SETBP1: variants seen among roughly 807,000 people sequenced by gnomAD.
The protein encoded by SETBP1 is SET-binding protein.
In SETBP1, 9 loss-of-function variants were observed where a neutral mutation model predicts 101.0. That is an observed-to-expected ratio of 0.09 (90% CI 0.05 to 0.16). SETBP1 has a LOEUF of 0.16. Ranked by LOEUF, SETBP1 falls within the 10% of genes least tolerant of loss-of-function variation. The pLI is 1.00. For synonymous variants in SETBP1, 818 were observed against 788.5 expected (o/e 1.04, Z -0.63); for missense variants, 1,858 against 2,033.8 (o/e 0.91, Z 1.66).
rs1018470585 is a variant in SETBP1, at chr18:44,706,591, C to CAAAAAAAAAAAAAA, written c.486+4781_486+4794dup. On this transcript the variant is annotated intron_variant, in intron 2 of 5. Coordinates refer to ENST00000649279, the MANE Select transcript of SETBP1 (RefSeq NM_015559.3). ...TGGGTGACAGAATGAGACTCAATCTCAAAAAAAAAAAAAAAAAAAAAAAAA... is the reference window on the plus strand; with the variant it reads ...TGGGTGACAGAATGAGACTCAATCTCAAAAAAAAAAAAAAAAAAAAAAAAAAAAAAAAAAAAAAA... Among the ~76,000 whole-genome samples the CAAAAAAAAAAAAAA allele has an allele frequency of 2.4e-4, 4 of 16,972 alleles. 1 individual carries two copies. The highest frequency in any genetic ancestry group is 2.9e-4 in the Non-Finnish European group (3 of 10,246). 11.1% of individuals were successfully genotyped at this position (16,972 alleles called of 152,430 possible).
chr18:45,032,303 T>C (rs977620870), intron 4 of SETBP1, among the ~76,000 whole-genome samples: 1 of 152,194 alleles, frequency 6.6e-6, no homozygotes, highest in African/African-American at 2.4e-5. Flanking sequence ...ATCAATTTTA[T>C]AGGTGTTTCT....
At chr18:44,764,762 G>A (rs895047806) in intron 2 of SETBP1, among the ~76,000 whole-genome samples, 4 of 152,108 alleles carry the variant, frequency 2.6e-5, no homozygotes, top group Middle Eastern at 3.2e-3. Flanking sequence ...GTGAGCCACC[G>A]CGCCCGGCCA....
intron 2 of SETBP1, among the ~76,000 whole-genome samples, chr18:44,705,822 T>C (rs748722678): frequency 6.6e-6 from 1 of 152,168 alleles, no homozygotes; most frequent in Non-Finnish European, 1.5e-5. Context: ...CTCTCCAAAC[T>C]GGAGAAGGAT....
chr18:44,899,148 A>G (rs764067400), intron 3 of SETBP1, among the ~76,000 whole-genome samples: 2 of 152,164 alleles, frequency 1.3e-5, no homozygotes, highest in African/African-American at 4.8e-5. Flanking sequence ...AATTCCTTCA[A>G]TGTCTTTCTA....
intron 2 of SETBP1, among the ~76,000 whole-genome samples, chr18:44,772,271 G>A (rs1423289914): frequency 6.6e-6 from 1 of 152,150 alleles, no homozygotes; most frequent in Non-Finnish European, 1.5e-5. Context: ...ATTATTGTCT[G>A]GCAGCAGTGC....
At chr18:45,045,846 T>C (rs780553121) in intron 5 of SETBP1, among the ~76,000 whole-genome samples, 4 of 152,140 alleles carry the variant, frequency 2.6e-5, no homozygotes, top group Non-Finnish European at 5.9e-5. Context: ...GTGCTGTTTT[T>C]GCTGCTGCTA....
intron 2 of SETBP1, among the ~76,000 whole-genome samples, chr18:44,738,371 A>G (rs1435256053): frequency 6.6e-6 from 1 of 152,224 alleles, no homozygotes; most frequent in East Asian, 1.9e-4. Flanking sequence ...CAAGAGCTCC[A>G]TAGCCCTGAA....
chr18:44,755,135 C>T (rs2070463779), intron 2 of SETBP1, among the ~76,000 whole-genome samples: 1 of 152,170 alleles, frequency 6.6e-6, no homozygotes, highest in Non-Finnish European at 1.5e-5. Context: ...TTGGACAAAA[C>T]AGCTTTTCAG....
chr18:45,026,264 G>C (rs2073162996), intron 4 of SETBP1, among the ~76,000 whole-genome samples: 1 of 152,170 alleles, frequency 6.6e-6, no homozygotes, highest in African/African-American at 2.4e-5. Context: ...GCATACACCA[G>C]GAGTAAAAGA....
intron 2 of SETBP1, among the ~76,000 whole-genome samples, chr18:44,773,054 C>A (rs940911324): frequency 4.6e-5 from 7 of 152,130 alleles, no homozygotes; most frequent in African/African-American, 1.7e-4. Flanking sequence ...ACGCTTTGTT[C>A]ATGTGGATCC....
chr18:44,877,303 G>T (rs974748176), intron 3 of SETBP1: 5 of 750,108 alleles, frequency 6.7e-6, no homozygotes, highest in Non-Finnish European at 8.1e-6. Context: ...CACACAAAAA[G>T]TATGGATTAA....
At chr18:44,828,297 C>T (rs978073882) in intron 2 of SETBP1, among the ~76,000 whole-genome samples, 1 of 152,084 alleles carries the variant, frequency 6.6e-6, no homozygotes, top group African/African-American at 2.4e-5. Context: ...TATCCATGGC[C>T]TTGTCACATG....
intron 3 of SETBP1, among the ~76,000 whole-genome samples, chr18:44,931,929 G>T (rs1016005075): frequency 7.2e-5 from 11 of 152,122 alleles, no homozygotes; most frequent in African/African-American, 2.7e-4. Flanking sequence ...GGAGAATTTA[G>T]CCCATTTACA....
rs553664874 is a variant in SETBP1, at chr18:44,729,036, T to C, written c.486+27204T>C. On this transcript the variant is annotated intron_variant, in intron 2 of 5. Transcript: ENST00000649279. The stretch of plus-strand genomic sequence containing the variant: ...ATAAAACCCTAGGCAGTAGCTACTA[T>C]TGTTATCTTTACCTTACAGATCAGG... Among the ~76,000 whole-genome samples the C allele has an allele frequency of 3.9e-5, 6 of 152,272 alleles. No individual in the cohort carries two copies. The East Asian group carries it at 1.2e-3, about 29-fold the overall frequency.
chr18:44,937,570 C>T (rs2070992223), intron 3 of SETBP1, among the ~76,000 whole-genome samples: 1 of 152,142 alleles, frequency 6.6e-6, no homozygotes, highest in Non-Finnish European at 1.5e-5. Flanking sequence ...TGAGATTCCA[C>T]CCCAGGCACA....
At chr18:44,923,317 A>G (rs1361278629) in intron 3 of SETBP1, among the ~76,000 whole-genome samples, 1 of 152,220 alleles carries the variant, frequency 6.6e-6, no homozygotes, top group African/African-American at 2.4e-5. Flanking sequence ...CTCCTGAGCA[A>G]CATGACTGAG....
At chr18:44,902,327 A>C (rs2144836819) in intron 3 of SETBP1, among the ~76,000 whole-genome samples, 1 of 152,138 alleles carries the variant, frequency 6.6e-6, no homozygotes, top group South Asian at 2.1e-4. Flanking sequence ...ACCTGTGTTA[A>C]ATATTTATTT....
chr18:44,974,003 G>T (rs777958358), intron 4 of SETBP1, among the ~76,000 whole-genome samples: 2 of 151,734 alleles, frequency 1.3e-5, no homozygotes, highest in Non-Finnish European at 2.9e-5. Flanking sequence ...ATTCATTGCT[G>T]GTCAATACCT....
chr18:44,971,914 C>T (rs1391639648), intron 4 of SETBP1, among the ~76,000 whole-genome samples: 1 of 152,126 alleles, frequency 6.6e-6, no homozygotes, highest in African/African-American at 2.4e-5. Flanking sequence ...GCTTTTGTTG[C>T]CATTGCTTTT....
Sources: allele counts gnomAD v4.1 joint callset (sites outside exome capture counted in the v4.1 genomes callset), GRCh38; gene constraint gnomAD v4.1.1; transcripts MANE v1.5; gene names NCBI Gene and HGNC (gene_info 2026-07-23, HGNC 2026-07-21).